The following JCAD variants were observed in gnomAD, a reference collection of about 807,000 sequenced individuals.
JCAD encodes junctional cadherin 5-associated protein.
Under a neutral mutation model 98.0 loss-of-function variants are expected in JCAD, and 40 were observed. That is an observed-to-expected ratio of 0.41 (90% CI 0.32 to 0.53). The LOEUF is 0.53. Among genes scored for constraint, JCAD ranks in the 20% least tolerant of loss-of-function variants. JCAD has a pLI of 0.31. For synonymous variants in JCAD, 691 were observed against 682.3 expected, an observed-to-expected ratio of 1.01 and a Z score of -0.20; for missense variants, 1,705 against 1,738.1, an observed-to-expected ratio of 0.98 and a Z score of 0.34.
Position 30,028,912 on chromosome 10 carries a change from T to A in JCAD, c.1236A>T (p.Arg412=). 1 of 1,613,954 alleles carries A rather than the reference T, an allele frequency of 6.2e-7. No individual in the cohort carries two copies. Among genetic ancestry groups the A allele is most frequent in the Non-Finnish European group, 8.5e-7 (1 of 1,179,974 alleles). ...CGAAGCCGTCATAGGCAGTGACAGG[T>A]CGGGGATGTGCGGGGAGCCCCTGAG... ...RLPQGLPAHP[R]PVTAYDGFVQ... is the part of the protein sequence containing the mutation. The change falls in exon 3 of 4, where the codon CGA becomes CGT. Residue 412 remains arginine (R), a synonymous_variant. Transcript: ENST00000375377.
At position 30,026,266 on chromosome 10, in the gene JCAD, G is replaced by T. The variant is rs1254827309; in HGVS notation, c.3882C>A (p.Gly1294=). ...CAAGGCCTCCCGGGAGCCCGGCCTG[G>T]CCCCTTGTGGTGGCCTTCAATTCCT... ...DAEELKATTR[G]QAGLPGGLVS... is the part of the protein sequence containing the mutation. The change falls in exon 3 of 4, where the codon GGC becomes GGA. Residue 1294 remains glycine (G), a synonymous_variant. Transcript: ENST00000375377. 2 of 1,613,702 alleles carry T rather than the reference G, an allele frequency of 1.2e-6. No individual in the cohort carries two copies. Among genetic ancestry groups the T allele is most frequent in the Non-Finnish European group, 1.7e-6 (2 of 1,180,044 alleles).
chr10:30,093,105 T>C (rs1372682403), intron 1 of JCAD, among the ~76,000 whole-genome samples: 1 of 152,218 alleles, frequency 6.6e-6, no homozygotes, highest in East Asian at 1.9e-4. Context: ...ATGGAAGGAA[T>C]TCAAAATTTG....
chr10:30,099,488 G>T (rs1236630730), intron 1 of JCAD, among the ~76,000 whole-genome samples: 1 of 151,858 alleles, frequency 6.6e-6, no homozygotes, highest in East Asian at 1.9e-4. Context: ...TTTAGTAAGT[G>T]TTTGTGAAGC....
At chr10:30,054,235 G>A (rs1400679616) in intron 1 of JCAD, among the ~76,000 whole-genome samples, 1 of 152,164 alleles carries the variant, frequency 6.6e-6, no homozygotes, top group Non-Finnish European at 1.5e-5. Flanking sequence ...ATATACATAT[G>A]TACTTGAAAG....
At position 30,090,946 on chromosome 10, in the gene JCAD, C is replaced by G. The variant is rs555755152; in HGVS notation, n.129-21125G>C. On this transcript the variant is annotated intron_variant and non_coding_transcript_variant, in intron 1 of 2. Transcript: ENST00000465712. ...AAAACAACAGGGTTCATGGCTGGGC[C>G]TCCCAAGCCAGCCTGGGCCAAGCTC... Among the ~76,000 whole-genome samples the G allele has an allele frequency of 2.6e-4, 40 of 152,298 alleles. 1 individual carries two copies. In the South Asian group the frequency reaches 8.1e-3, roughly 31 times the overall value.
At chr10:30,089,513 C>CGTGTGTGT (rs58665379) in intron 1 of JCAD, among the ~76,000 whole-genome samples, 3,732 of 142,990 alleles carry the variant, frequency 0.026, 171 homozygotes, top group African/African-American at 0.079. Flanking sequence ...ATGCTTCTTC[C>CGTGTGTGT]GTGTGTGTGT....
intron 1 of JCAD, among the ~76,000 whole-genome samples, chr10:30,108,827 G>A (rs1009871825): frequency 2.1e-4 from 31 of 150,910 alleles, no homozygotes; most frequent in African/African-American, 7.3e-4. Flanking sequence ...TGAAATATAA[G>A]GGCCCCTTCT....
intron 2 of JCAD, among the ~76,000 whole-genome samples, chr10:30,038,687 A>AT (rs1168467285): frequency 2.7e-5 from 3 of 112,066 alleles, no homozygotes; most frequent in Non-Finnish European, 5.5e-5. Context: ...CTGTCTCAAA[A>AT]TAAAAAAAAA....
In JCAD at chr10:30,027,767, T is replaced by A. The variant is rs1589680339; in HGVS notation, c.2381A>T (p.His794Leu). ...CACCACCTCCCGCTTAGGCCCAGGG[T>A]GGGCTCCAAGCCCGTGGACATCCAC... Reference protein sequence around the residue: ...PCVDVHGLGAHPGPKREVVKG... With the variant: ...PCVDVHGLGALPGPKREVVKG... Residue 794 changes from histidine to leucine, a missense_variant, in exon 3 of 4, where the codon CAC (histidine) becomes CTC (leucine). Coordinates refer to ENST00000375377, the MANE Select transcript of JCAD (RefSeq NM_020848.4). The A allele has an allele frequency of 1.9e-6, 3 of 1,614,062 alleles. No individual in the cohort carries two copies. The African/African-American group carries it at 4.0e-5, about 22-fold the overall frequency.
At chr10:30,058,115 G>T (rs1274233508) in intron 1 of JCAD, among the ~76,000 whole-genome samples, 1 of 152,066 alleles carries the variant, frequency 6.6e-6, no homozygotes, top group Non-Finnish European at 1.5e-5. Flanking sequence ...TACCCATCAG[G>T]CCCCTTCCCC....
intron 1 of JCAD, among the ~76,000 whole-genome samples, chr10:30,104,558 A>G (rs1838533059): frequency 6.6e-6 from 1 of 152,170 alleles, no homozygotes; most frequent in African/African-American, 2.4e-5. Context: ...CAATAGACAC[A>G]CTGGGGACCA....
rs1279248026 is a variant in JCAD, at chr10:30,017,509, AG to A, written c.*373del. 6.1e-6 allele frequency: 2 copies of A among 325,650 alleles called. No individual in the cohort carries two copies. The highest frequency in any genetic ancestry group is 1.8e-4 in the East Asian group (2 of 11,318). 20.2% of individuals were successfully genotyped at this position (325,650 alleles called of 1,614,324 possible). On this transcript the variant is annotated 3_prime_UTR_variant, in exon 4 of 4. Transcript: ENST00000375377. ...ACACAGAGGGGAGCACACCATTCAC[AG>A]GCCTTTCCAAAGCATTTGCTAGATC...
chr10:30,019,971 CA>C (rs1283374403), intron 3 of JCAD, among the ~76,000 whole-genome samples: 9 of 136,640 alleles, frequency 6.6e-5, no homozygotes, highest in African/African-American at 2.5e-4. Context: ...TCGGCATGGT[CA>C]AAAAAGGTGA....
chr10:30,060,454 G>A (rs983531891), upstream of JCAD, among the ~76,000 whole-genome samples: 4 of 152,222 alleles, frequency 2.6e-5, no homozygotes, highest in South Asian at 8.3e-4. Context: ...TTAGACTGCT[G>A]CCTGGGTCTG....
In JCAD at chr10:30,027,558, C is replaced by A; in HGVS notation, c.2590G>T (p.Ala864Ser). 1 of 1,613,962 alleles carries A rather than the reference C, an allele frequency of 6.2e-7. No homozygotes were observed. Among genetic ancestry groups the A allele is most frequent in the Non-Finnish European group, 8.5e-7 (1 of 1,180,048 alleles). The change falls in exon 3 of 4, where the codon GCG (alanine) becomes TCG (serine). Residue 864 changes from alanine to serine, a missense_variant. Physicochemically the swap from Ala to Ser is moderately conservative, Grantham distance 99. Around this residue, in one of 3 missense-constraint regions of JCAD, gnomAD observed 1,278 missense variants for 1,243.1 expected, o/e 1.03. Coordinates refer to ENST00000375377, the MANE Select transcript of JCAD (RefSeq NM_020848.4). Reference protein sequence around the residue: ...SSSSSSEESEAEPQQENRAHC... With the variant: ...SSSSSSEESESEPQQENRAHC... The stretch of plus-strand genomic sequence containing the variant: ...GCACGGTTCTCCTGCTGCGGCTCCG[C>A]CTCACTCTCCTCACTGCTGCTGCTG...
intron 1 of JCAD, among the ~76,000 whole-genome samples, chr10:30,106,747 C>G (rs974892518): frequency 6.6e-6 from 1 of 152,168 alleles, no homozygotes; most frequent in African/African-American, 2.4e-5. Context: ...GTGATCTGCC[C>G]ACCTCAGCCT....
intron 1 of JCAD, among the ~76,000 whole-genome samples, chr10:30,057,764 ACAGTGACACTTAGAGACTT>A (rs1837606303): frequency 6.6e-6 from 1 of 152,220 alleles, no homozygotes; most frequent in African/African-American, 2.4e-5. Context: ...CTGCATGCCC[ACAGTGACACTTAGAGACTT>A]CAGGAAGCTT....
At chr10:30,036,748 G>A (rs968853220) in intron 2 of JCAD, among the ~76,000 whole-genome samples, 3 of 152,248 alleles carry the variant, frequency 2.0e-5, no homozygotes, top group African/African-American at 7.2e-5. Flanking sequence ...TGGTCCTCCC[G>A]TGGGGGCCCT....
chr10:30,018,827 T>G (rs1836593361), intron 3 of JCAD, among the ~76,000 whole-genome samples: 1 of 152,074 alleles, frequency 6.6e-6, no homozygotes, highest in East Asian at 1.9e-4. Context: ...CTGGAAGGAG[T>G]ACAGCCATTA....
Sources: allele counts gnomAD v4.1 joint callset (sites outside exome capture counted in the v4.1 genomes callset), GRCh38; gene constraint gnomAD v4.1.1; regional missense constraint gnomAD v4.1.1; transcripts MANE v1.5; gene names NCBI Gene and HGNC (gene_info 2026-07-23, HGNC 2026-07-21).